The following CPQ variants were observed in gnomAD, a reference collection of about 807,000 sequenced individuals.
CPQ encodes the protein carboxypeptidase Q.
Under a neutral mutation model 45.7 loss-of-function variants are expected in CPQ, and 37 were observed. The ratio of observed to expected loss-of-function variants is 0.81; its 90% CI spans 0.62 to 1.07. CPQ has a LOEUF of 1.07. CPQ is among the 50% of genes least tolerant of loss of function. The probability of loss-of-function intolerance (pLI) is 0.00; values close to 1 mark genes in which losing one functional copy is unlikely to be tolerated. For synonymous variants in CPQ, 186 were observed against 205.8 expected, an observed-to-expected ratio of 0.90 and a Z score of 0.82; for missense variants, 537 against 572.9, an observed-to-expected ratio of 0.94 and a Z score of 0.64.
At chr8:97,006,442 G>A (rs1229214761) in intron 5 of CPQ, among the ~76,000 whole-genome samples, 2 of 152,156 alleles carry the variant, frequency 1.3e-5, no homozygotes, top group Non-Finnish European at 2.9e-5. Context: ...CAGTCGACAG[G>A]ACAGGGGGAA....
intron 6 of CPQ, among the ~76,000 whole-genome samples, chr8:97,044,535 C>G (rs140735022): frequency 0.021 from 3,148 of 152,330 alleles, 101 homozygotes; most frequent in African/African-American, 0.067. Context: ...GAGGAACTGC[C>G]TTCCTTTGGA....
At position 97,056,101 on chromosome 8, in the gene CPQ, AACAC is replaced by A. The variant is rs34266303; in HGVS notation, c.1054-9880_1054-9877del. ...GTGACAGAGTGAGACCCTATCTCAA[AACAC>A]ACACACACACACACACACACACACA... On this transcript the variant is annotated intron_variant, in intron 6 of 7. Transcript: ENST00000220763. Among the ~76,000 whole-genome samples, 813 of 146,376 alleles carry A rather than the reference AACAC, an allele frequency of 5.6e-3. 5 individuals are homozygous for A. Among genetic ancestry groups the A allele is most frequent in the African/African-American group, 0.018 (738 of 40,490 alleles).
chr8:96,701,114 T>C (rs1386664274), intron 1 of CPQ, among the ~76,000 whole-genome samples: 1 of 152,198 alleles, frequency 6.6e-6, no homozygotes, highest in Non-Finnish European at 1.5e-5. Flanking sequence ...AATAACCTGG[T>C]TATATACAAT....
intron 3 of CPQ, among the ~76,000 whole-genome samples, chr8:96,842,747 A>G (rs930916442): frequency 1.3e-4 from 20 of 152,274 alleles, no homozygotes; most frequent in African/African-American, 4.3e-4. Context: ...CAGGCAATGT[A>G]TTTTGGAGCC....
chr8:97,019,833 CAAAG>C (rs1809646396), intron 5 of CPQ, among the ~76,000 whole-genome samples: 1 of 152,044 alleles, frequency 6.6e-6, no homozygotes, highest in Admixed American at 6.5e-5. Flanking sequence ...AGAAAGTCAA[CAAAG>C]AAACAATGGA....
intron 7 of CPQ, among the ~76,000 whole-genome samples, chr8:97,125,251 A>C (rs916109955): frequency 6.6e-6 from 1 of 152,230 alleles, no homozygotes; most frequent in Non-Finnish European, 1.5e-5. Context: ...TCATAAGTAA[A>C]AGCCTTTACT....
At position 97,029,511 on chromosome 8, in the gene CPQ, G is replaced by T. The variant is rs1172610635; in HGVS notation, c.1053+17G>T. ...TTACACAAGGTAAAAACCCAGCTGT[G>T]GATTGCTAAGCATTTGTACATGTAA... On this transcript the variant is annotated intron_variant, in intron 6 of 7. Transcript: ENST00000220763. 2 of 1,582,256 alleles carry T rather than the reference G, an allele frequency of 1.3e-6. No individual in the cohort carries two copies. The highest frequency in any genetic ancestry group is 3.5e-5 in the Admixed American group (2 of 57,202).
At chr8:97,023,040 C>CTATATAT (rs1563557154) in intron 5 of CPQ, among the ~76,000 whole-genome samples, 3 of 37,654 alleles carry the variant, frequency 8.0e-5, no homozygotes, top group African/African-American at 1.9e-4. Context: ...AGTATATATA[C>CTATATAT]AGTATATATA....
intron 4 of CPQ, among the ~76,000 whole-genome samples, chr8:96,941,739 G>T (rs147482117): frequency 2.0e-5 from 3 of 152,214 alleles, no homozygotes; most frequent in African/African-American, 7.2e-5. Context: ...GGTATGTCAT[G>T]AATATAACTG....
At chr8:97,015,404 A>G (rs1388404201) in intron 5 of CPQ, among the ~76,000 whole-genome samples, 1 of 151,978 alleles carries the variant, frequency 6.6e-6, no homozygotes, top group Non-Finnish European at 1.5e-5. Flanking sequence ...CCCTACTATC[A>G]GGCAATTTAA....
chr8:97,134,291 A>G (rs964747608), intron 7 of CPQ, among the ~76,000 whole-genome samples: 3 of 152,272 alleles, frequency 2.0e-5, no homozygotes, highest in African/African-American at 4.8e-5. Flanking sequence ...GACAGACAAC[A>G]ATAATAAAAC....
In CPQ at chr8:97,011,741, C is replaced by A. The variant is rs371959078; in HGVS notation, c.962-17662C>A. Among the ~76,000 whole-genome samples the A allele has an allele frequency of 7.2e-5, 11 of 152,238 alleles. No homozygotes were observed. The East Asian group carries it at 1.7e-3, about 24-fold the overall frequency. On this transcript the variant is annotated intron_variant, in intron 5 of 7. Transcript: ENST00000220763. ...GGTAATATTTTGAAAATTATATGAG[C>A]TATTATCTAAAAACATTTAGCACAG...
chr8:97,103,580 A>C (rs1399084568), intron 7 of CPQ, among the ~76,000 whole-genome samples: 1 of 152,196 alleles, frequency 6.6e-6, no homozygotes, highest in Non-Finnish European at 1.5e-5. Context: ...CCTGATGGCT[A>C]GCTGGGTTAC....
chr8:97,054,866 C>T (rs1810425283), intron 6 of CPQ, among the ~76,000 whole-genome samples: 1 of 152,174 alleles, frequency 6.6e-6, no homozygotes, highest in Non-Finnish European at 1.5e-5. Context: ...CCAGGCTTCA[C>T]TGCTATACAG....
At chr8:97,058,882 T>A (rs1810499893) in intron 6 of CPQ, among the ~76,000 whole-genome samples, 1 of 152,200 alleles carries the variant, frequency 6.6e-6, no homozygotes, top group South Asian at 2.1e-4. Context: ...GTAAGCCTTT[T>A]TTTAAGTCAT....
At chr8:97,043,014 G>A (rs1810159615) in intron 6 of CPQ, among the ~76,000 whole-genome samples, 1 of 150,632 alleles carries the variant, frequency 6.6e-6, no homozygotes. Context: ...GCTTGGTGCA[G>A]AGCTGAGTTC....
intron 2 of CPQ, among the ~76,000 whole-genome samples, chr8:96,822,434 C>T (rs1042731177): frequency 2.1e-4 from 32 of 151,944 alleles, no homozygotes; most frequent in African/African-American, 7.0e-4. Context: ...AGTGGGATTG[C>T]TGGGTCATAT....
chr8:96,793,446 A>G (rs1479740084), intron 2 of CPQ, among the ~76,000 whole-genome samples: 1 of 152,098 alleles, frequency 6.6e-6, no homozygotes, highest in South Asian at 2.1e-4. Flanking sequence ...CTTATTCACT[A>G]TCATGAGAAC....
chr8:96,820,493 G>A (rs118037657), intron 2 of CPQ, among the ~76,000 whole-genome samples: 20 of 151,884 alleles, frequency 1.3e-4, no homozygotes, highest in Non-Finnish European at 2.7e-4. Context: ...CCTGGCCTCT[G>A]ATAACTACCA....
Sources: gnomAD v4.1 joint callset for allele counts (sites outside exome capture counted in the v4.1 genomes callset) on GRCh38, gnomAD v4.1.1 for gene constraint, MANE v1.5 for transcripts, NCBI Gene and HGNC (gene_info 2026-07-23, HGNC 2026-07-21) for gene names.